DNAH12: variants seen among roughly 807,000 people sequenced by gnomAD.
DNAH12 encodes dynein axonemal heavy chain 12, also known as axonemal beta dynein heavy chain 12.
DNAH12 carries 285 observed loss-of-function variants against 371.5 expected under a neutral mutation model. The ratio of observed to expected loss-of-function variants is 0.77; its 90% confidence interval spans 0.70 to 0.85. The LOEUF (loss-of-function observed/expected upper bound fraction) is 0.85. DNAH12 is among the 40% of genes least tolerant of loss of function. The pLI, the probability that DNAH12 is intolerant of heterozygous loss-of-function variation, is 0.00. For synonymous variants in DNAH12, 1,200 were observed against 1,213.0 expected (o/e 0.99, Z 0.22); for missense variants, 3,611 against 3,689.4 (o/e 0.98, Z 0.55).
chr3:57,498,716 T>C (rs1214496324), intron 11 of DNAH12, among the ~76,000 whole-genome samples: 1 of 152,036 alleles, frequency 6.6e-6, no homozygotes, highest in Non-Finnish European at 1.5e-5. Flanking sequence ...AGGAATAAGT[T>C]AGGCTAGGCG....
chr3:57,300,320 C>T (rs1054757030), intron 70 of DNAH12, among the ~76,000 whole-genome samples: 1 of 151,872 alleles, frequency 6.6e-6, no homozygotes, highest in Admixed American at 6.6e-5. Context: ...ACTCTAAGAA[C>T]CATTAGGAGG....
intron 71 of DNAH12, 132 bp downstream of exon 71, chr3:57,296,715 A>C: frequency 1.8e-6 from 2 of 1,114,370 alleles, no homozygotes; most frequent in Non-Finnish European, 2.5e-6. Context: ...GTTCTAAGGG[A>C]TAGCAAGACA....
Position 57,413,845 on chromosome 3 carries a change from C to T in DNAH12, c.5921G>A (p.Cys1974Tyr), listed in dbSNP as rs1553683793. ...ATTCATATCATCTATAAAAATTATA[C>T]ACTTCTTTCCCATAGGTGGTCCAAA... is the stretch of plus-strand genomic sequence containing the variant. Reference protein sequence around the residue: ...GVFGPPMGKKCIIFIDDMNMP... With the variant: ...GVFGPPMGKKYIIFIDDMNMP... The change falls in exon 39 of 74, where the codon TGT (cysteine) becomes TAT (tyrosine). Residue 1974 changes from cysteine to tyrosine, a missense_variant. Cys to Tyr is a radical substitution (Grantham distance 194). Around this residue, in one of 3 missense-constraint regions of DNAH12, gnomAD observed 2,266 missense variants for 2,236.9 expected, o/e 1.01. Coordinates refer to ENST00000495027, the MANE Select transcript of DNAH12 (RefSeq NM_001366028.2). 4.3e-5 allele frequency: 66 copies of T among 1,551,068 alleles called. No individual in the cohort carries two copies. Among genetic ancestry groups the T allele is most frequent in the Non-Finnish European group, 5.6e-5 (64 of 1,146,740 alleles).
At position 57,532,279 on chromosome 3, in the gene DNAH12, A is replaced by T. The variant is rs538528407; in HGVS notation, c.171-8395T>A. 4.6e-5 allele frequency among the ~76,000 whole-genome samples: 7 copies of T among 152,220 alleles called. No homozygotes were observed. In the East Asian group the frequency reaches 1.4e-3, roughly 29 times the overall value. On this transcript the variant is annotated intron_variant, in intron 2 of 73. Transcript: ENST00000495027. ...TCGAATTTCTTTGAGTCTCCACAAA[A>T]CCACTATTTTGAATTCTCTGTCTGA...
chr3:57,341,618 T>C (rs1399153956), intron 60 of DNAH12, among the ~76,000 whole-genome samples: 1 of 151,680 alleles, frequency 6.6e-6, no homozygotes, highest in Admixed American at 6.6e-5. Flanking sequence ...GAAGAAGACA[T>C]CAAAAAATAG....
intron 2 of DNAH12, among the ~76,000 whole-genome samples, chr3:57,531,560 G>A (rs111475197): frequency 1.3e-5 from 2 of 151,954 alleles, no homozygotes; most frequent in African/African-American, 4.8e-5. Context: ...TTAGGAGTTC[G>A]AGACCAACCT....
chr3:57,478,501 C>A (rs571385489), intron 13 of DNAH12, among the ~76,000 whole-genome samples: 65 of 152,248 alleles, frequency 4.3e-4, no homozygotes, highest in African/African-American at 1.5e-3. Flanking sequence ...AAACACTCTG[C>A]AGGATATTAT....
At chr3:57,325,259 G>C (rs1279441273) in intron 62 of DNAH12, among the ~76,000 whole-genome samples, 2 of 152,232 alleles carry the variant, frequency 1.3e-5, no homozygotes, top group Non-Finnish European at 2.9e-5. Context: ...AGAACGGGCA[G>C]ACTGCCTCCT....
chr3:57,400,153 TGGTGTGC>T (rs2063827186), intron 43 of DNAH12, among the ~76,000 whole-genome samples: 4 of 152,246 alleles, frequency 2.6e-5, no homozygotes, highest in African/African-American at 9.6e-5. Context: ...CTAAGCATGG[TGGTGTGC>T]ACCTGTAATC....
chr3:57,358,176 A>G (rs904037606), intron 58 of DNAH12, among the ~76,000 whole-genome samples: 1 of 152,236 alleles, frequency 6.6e-6, no homozygotes, highest in Non-Finnish European at 1.5e-5. Context: ...ACCAGATCCA[A>G]GATAAGGTAA....
rs185807384 is a variant in DNAH12, at chr3:57,305,892, A to C, written c.11189+3259T>G. 9.1e-4 allele frequency among the ~76,000 whole-genome samples: 138 copies of C among 152,290 alleles called. 2 individuals are homozygous for C. Among genetic ancestry groups the C allele is most frequent in the Middle Eastern group, 3.4e-3 (1 of 294 alleles). ...CACGTCTCCAGCACACAAGAACTTC[A>C]AAACGCCTGAACCGCAGCACCGAGG... On this transcript the variant is annotated intron_variant, in intron 69 of 73. Transcript: ENST00000495027.
In DNAH12 at chr3:57,403,470, GA is replaced by G; in HGVS notation, c.6786del (p.Arg2263GlufsTer3). On this transcript the variant is annotated frameshift_variant, in exon 43 of 74. Coordinates refer to ENST00000495027, the MANE Select transcript of DNAH12 (RefSeq NM_001366028.2). LOFTEE classifies it high-confidence loss of function. The part of the protein sequence containing the change: ...RYVLEHLSRI[C>X]RVLKQSGGNA... ...TTTCCACCAGATTGCTTTAGAACTC[GA>G]CATATTCTTGATAAATGTTCCAAAA... is the stretch of plus-strand genomic sequence containing the variant. The G allele has an allele frequency of 6.5e-7, 1 of 1,549,208 alleles. No homozygotes were observed.
intron 62 of DNAH12, among the ~76,000 whole-genome samples, chr3:57,324,321 A>G (rs374085346): frequency 1.3e-5 from 2 of 152,166 alleles, no homozygotes; most frequent in Non-Finnish European, 2.9e-5. Context: ...TAATACTCAT[A>G]ATAAGAAAAA....
At chr3:57,342,982 G>A (rs2062443528) in intron 60 of DNAH12, among the ~76,000 whole-genome samples, 1 of 151,968 alleles carries the variant, frequency 6.6e-6, no homozygotes, top group South Asian at 2.1e-4. Context: ...TGGGGTGGAA[G>A]GATCACCTGA....
intron 11 of DNAH12, chr3:57,493,595 A>AT (rs956460571): frequency 6.6e-6 from 1 of 152,204 alleles, no homozygotes. Flanking sequence ...TAAAAACCAA[A>AT]TAAGGTAAAA....
In DNAH12 at chr3:57,444,810, G is replaced by A. The variant is rs534984188; in HGVS notation, c.4432C>T (p.Arg1478Ter). ...PNENEDILLLRSIKDVNEPKF... is the reference protein window; with the variant it reads ...PNENEDILLL ...GGTTCATTTACATCTTTAATTGATC[G>A]AAGAAGCTAAAATTACCCAAAAAGT... Residue 1478 changes from arginine to a stop codon, truncating the protein, a stop_gained, in exon 29 of 74, where the codon CGA (arginine) becomes TGA (stop). Transcript: ENST00000495027. LOFTEE classifies it high-confidence loss of function. 3.9e-6 allele frequency: 6 copies of A among 1,540,402 alleles called. No individual in the cohort carries two copies. The highest frequency in any genetic ancestry group is 5.3e-6 in the Non-Finnish European group (6 of 1,142,762).
chr3:57,520,449 TA>T (rs1410131876), intron 4 of DNAH12, among the ~76,000 whole-genome samples: 3 of 26,560 alleles, frequency 1.1e-4, no homozygotes, highest in East Asian at 9.4e-4. Flanking sequence ...TTATTATTAT[TA>T]TTTTTTTTTT....
the DNAH12 span, among the ~76,000 whole-genome samples, chr3:57,555,853 G>A: frequency 6.6e-6 from 1 of 152,248 alleles, no homozygotes. Context: ...GAGCGATCAG[G>A]GTCGGCAAAG....
intron 38 of DNAH12, among the ~76,000 whole-genome samples, chr3:57,414,436 T>C (rs1382181955): frequency 1.3e-5 from 2 of 152,158 alleles, no homozygotes; most frequent in African/African-American, 2.4e-5. Flanking sequence ...ATGCAGGTTA[T>C]ATGGGTAATT....
Sources: allele counts gnomAD v4.1 joint callset (sites outside exome capture counted in the v4.1 genomes callset), GRCh38; gene constraint gnomAD v4.1.1; regional missense constraint gnomAD v4.1.1; transcripts MANE v1.5; gene names NCBI Gene and HGNC (gene_info 2026-07-23, HGNC 2026-07-21).